The following FAM135B variants were observed in gnomAD, a reference collection of about 807,000 sequenced individuals.
The protein encoded by FAM135B is family with sequence similarity 135 member B.
In FAM135B, 43 loss-of-function variants were observed where a neutral mutation model predicts 127.7. The ratio of observed to expected loss-of-function variants is 0.34; its 90% CI spans 0.26 to 0.43. The LOEUF (loss-of-function observed/expected upper bound fraction) is 0.43. FAM135B is among the 20% of genes least tolerant of loss of function. The probability of loss-of-function intolerance (pLI) is 1.00; values close to 1 mark genes in which losing one functional copy is unlikely to be tolerated. For synonymous variants in FAM135B, 670 were observed against 665.1 expected (o/e 1.01, Z -0.11); for missense variants, 1,558 against 1,725.6 (o/e 0.90, Z 1.72).
chr8:138,313,992 T>A (rs10783164), intron 2 of FAM135B, among the ~76,000 whole-genome samples: 68,951 of 151,576 alleles, frequency 0.45, 17,601 homozygotes, highest in Non-Finnish European at 0.59. Flanking sequence ...CATATTTGTG[T>A]ACTCTTTGCT....
chr8:138,477,779 G>C (rs1430347021), intron 1 of FAM135B, among the ~76,000 whole-genome samples: 1 of 152,196 alleles, frequency 6.6e-6, no homozygotes, highest in Non-Finnish European at 1.5e-5. Context: ...AATGGAATTA[G>C]GAGAAAGATA....
At chr8:138,264,756 C>G (rs2130619056) in intron 4 of FAM135B, among the ~76,000 whole-genome samples, 1 of 152,186 alleles carries the variant, frequency 6.6e-6, no homozygotes, top group East Asian at 1.9e-4. Flanking sequence ...AATCTGGTCA[C>G]TACCTAGATA....
chr8:138,324,482 C>T (rs1007949718), intron 2 of FAM135B, among the ~76,000 whole-genome samples: 5 of 152,286 alleles, frequency 3.3e-5, no homozygotes, highest in Non-Finnish European at 7.4e-5. Flanking sequence ...ATTATTTCTT[C>T]TTGCCACAGG....
chr8:138,490,517 T>C (rs1815154280), intron 1 of FAM135B, among the ~76,000 whole-genome samples: 1 of 152,152 alleles, frequency 6.6e-6, no homozygotes, highest in African/African-American at 2.4e-5. Flanking sequence ...GATAAGGGCC[T>C]TATCTGCCAT....
intron 7 of FAM135B, among the ~76,000 whole-genome samples, chr8:138,224,054 G>A (rs1010788342): frequency 4.6e-5 from 7 of 152,014 alleles, no homozygotes; most frequent in African/African-American, 1.7e-4. Context: ...GGGGGCAAGG[G>A]TTGAAAAATT....
chr8:138,130,750 G>C lies in FAM135B; in HGVS notation c.*1843C>G, dbSNP rs1338604742. 6.6e-6 allele frequency: 1 copy of C among 152,288 alleles called. No individual in the cohort carries two copies. The highest frequency in any genetic ancestry group is 2.1e-4 in the South Asian group (1 of 4,828). 9.4% of individuals were successfully genotyped at this position (152,288 alleles called of 1,614,324 possible). A position where few individuals can be genotyped will look rare whatever the true frequency, so the allele number is the denominator to read the frequency against. ...TGTGCTGCACGACTAGGGAACAAAT[G>C]TCTCCCAGGTTACAGAGCAAATACA... On this transcript the variant is annotated 3_prime_UTR_variant, in exon 20 of 20. Coordinates refer to ENST00000395297, the MANE Select transcript of FAM135B (RefSeq NM_015912.4).
intron 3 of FAM135B, among the ~76,000 whole-genome samples, chr8:138,271,952 T>C (rs1823412350): frequency 6.6e-6 from 1 of 152,112 alleles, no homozygotes; most frequent in Non-Finnish European, 1.5e-5. Flanking sequence ...TAGAAATTGT[T>C]ACATCCTCAA....
At chr8:138,143,139 G>T (rs779840575) in intron 15 of FAM135B, 30 bp from the exon 16 acceptor site, 1 of 1,317,532 alleles carries the variant, frequency 7.6e-7, no homozygotes, top group South Asian at 1.2e-5. Context: ...CAGGTGTTGG[G>T]TATGGTTGTG....
intron 12 of FAM135B, among the ~76,000 whole-genome samples, chr8:138,157,140 A>G (rs554161499): frequency 4.6e-5 from 7 of 152,258 alleles, no homozygotes; most frequent in Non-Finnish European, 1.0e-4. Context: ...GGCTGGTTCA[A>G]CATATGCAAA....
At chr8:138,199,734 G>A (rs1816960334) in intron 7 of FAM135B, among the ~76,000 whole-genome samples, 1 of 152,172 alleles carries the variant, frequency 6.6e-6, no homozygotes, top group South Asian at 2.1e-4. Flanking sequence ...TACATGGCAT[G>A]AGGAGAGAGA....
chr8:138,230,639 C>T (rs1353490774), intron 7 of FAM135B, among the ~76,000 whole-genome samples: 1 of 152,094 alleles, frequency 6.6e-6, no homozygotes, highest in Non-Finnish European at 1.5e-5. Context: ...AAGCTGTGCC[C>T]GCTGAGTCTC....
At chr8:138,425,998 T>TAC (rs1834834426) in intron 1 of FAM135B, among the ~76,000 whole-genome samples, 1 of 14,954 alleles carries the variant, frequency 6.7e-5, no homozygotes, top group African/African-American at 6.5e-4. Context: ...TATATATATA[T>TAC]ATATATATAT....
chr8:138,237,495 C>A (rs1186470909), intron 7 of FAM135B, among the ~76,000 whole-genome samples: 3 of 152,132 alleles, frequency 2.0e-5, no homozygotes, highest in Non-Finnish European at 2.9e-5. Context: ...TCTGTCAGAG[C>A]CTGAGTATTC....
chr8:138,380,863 C>T (rs975758890), intron 1 of FAM135B, among the ~76,000 whole-genome samples: 13 of 152,012 alleles, frequency 8.6e-5, no homozygotes, highest in Admixed American at 3.9e-4. Context: ...AACATGCAGA[C>T]ATCGGGTAAT....
intron 7 of FAM135B, among the ~76,000 whole-genome samples, chr8:138,212,381 C>T (rs557134915): frequency 3.3e-5 from 5 of 152,072 alleles, no homozygotes; most frequent in Admixed American, 6.5e-5. Context: ...AATATTGCCC[C>T]GCTTTTCCCT....
chr8:138,254,703 G>T lies in FAM135B; in HGVS notation c.368+1986C>A, dbSNP rs1342739913. On this transcript the variant is annotated intron_variant, in intron 5 of 19. Transcript: ENST00000395297. ...ACACTATCCTGCTAAGGAGAAAGCA[G>T]ATGTAATGAGAAAAGCAGGTGGCCA... Among the ~76,000 whole-genome samples the T allele has an allele frequency of 2.0e-5, 3 of 152,286 alleles. No individual in the cohort carries two copies. In the East Asian group the frequency reaches 5.8e-4, roughly 29 times the overall value.
intron 10 of FAM135B, among the ~76,000 whole-genome samples, chr8:138,177,957 CT>C: frequency 6.6e-6 from 1 of 152,294 alleles, no homozygotes; most frequent in African/African-American, 2.4e-5. Context: ...TTAAAAAGCA[CT>C]TTTTCAGCTG....
At chr8:138,339,907 G>A (rs1587148470) in intron 2 of FAM135B, among the ~76,000 whole-genome samples, 2 of 152,122 alleles carry the variant, frequency 1.3e-5, no homozygotes, top group African/African-American at 2.4e-5. Flanking sequence ...GAAGCGTGGG[G>A]GCTGTGCTTT....
intron 3 of FAM135B, among the ~76,000 whole-genome samples, chr8:138,296,110 T>C (rs1297174153): frequency 6.6e-6 from 1 of 152,254 alleles, no homozygotes; most frequent in East Asian, 1.9e-4. Context: ...TTTTTCACTG[T>C]GGACTGAGAC....
Sources: allele counts gnomAD v4.1 joint callset (sites outside exome capture counted in the v4.1 genomes callset), GRCh38; gene constraint gnomAD v4.1.1; transcripts MANE v1.5; gene names NCBI Gene and HGNC (gene_info 2026-07-23, HGNC 2026-07-21).